DMD: variants seen among roughly 807,000 people sequenced by gnomAD.
The protein encoded by DMD is mutant dystrophin.
DMD carries 63 observed loss-of-function variants against 330.1 expected under a neutral mutation model. The ratio of observed to expected loss-of-function variants is 0.19; its 90% CI spans 0.16 to 0.24. DMD has a LOEUF of 0.24. Among genes scored for constraint, DMD ranks in the 10% least tolerant of loss-of-function variants. The probability of loss-of-function intolerance (pLI) is 1.00; values close to 1 mark genes in which losing one functional copy is unlikely to be tolerated. For missense variants in DMD, 3,344 were observed against 2,684.1 expected, an observed-to-expected ratio of 1.25 and a Z score of -5.43; for synonymous variants, 1,223 against 959.8, an observed-to-expected ratio of 1.27 and a Z score of -5.07.
intron 51 of DMD, among the ~76,000 whole-genome samples, chrX:31,745,098 G>A (rs1173543787): frequency 2.7e-5 from 3 of 111,755 alleles, no homozygotes; most frequent in African/African-American, 9.8e-5. Context: ...CCAGGTTCAG[G>A]GAAGGTGCCA....
At chrX:32,806,779 G>A (rs940571285) in intron 7 of DMD, among the ~76,000 whole-genome samples, 5 of 105,996 alleles carry the variant, frequency 4.7e-5, no homozygotes, top group African/African-American at 1.8e-4. Context: ...TAGAACTCAG[G>A]ATTAAGAAAC....
intron 44 of DMD, among the ~76,000 whole-genome samples, chrX:32,169,714 C>T (rs1336070643): frequency 8.9e-6 from 1 of 111,978 alleles, no homozygotes; most frequent in Non-Finnish European, 1.9e-5. Flanking sequence ...CCATCTACCC[C>T]TTCTCTAGAG....
intron 62 of DMD, among the ~76,000 whole-genome samples, chrX:31,284,575 C>CTTCTTCTTCTTCTTTTCTT (rs2052946401): frequency 1.1e-5 from 1 of 91,858 alleles, no homozygotes; most frequent in African/African-American, 4.3e-5. Flanking sequence ...TCTTCTTCTT[C>CTTCTTCTTCTTCTTTTCTT]TTCTTCTTCT....
intron 7 of DMD, among the ~76,000 whole-genome samples, chrX:32,742,071 G>T (rs918744222): frequency 6.3e-5 from 7 of 111,335 alleles, no homozygotes; most frequent in African/African-American, 3.3e-5. Context: ...GACCTGTTCA[G>T]TGCCCTTGAC....
In DMD at chrX:32,171,044, C is replaced by T. The variant is rs544626677; in HGVS notation, c.6438+45872G>A. ...TCATACTGTGGTGATATCTACATCT[C>T]TATAAAACTAGTAATATTGGTAAAC... is the stretch of plus-strand genomic sequence containing the variant. On this transcript the variant is annotated intron_variant, in intron 44 of 78. Transcript: ENST00000357033. Among the ~76,000 whole-genome samples, 17 of 111,793 alleles carry T rather than the reference C, an allele frequency of 1.5e-4. No homozygotes were observed. The South Asian group carries it at 6.0e-3, about 39-fold the overall frequency.
At chrX:32,847,605 G>T (rs1351702079) in intron 3 of DMD, among the ~76,000 whole-genome samples, 1 of 111,974 alleles carries the variant, frequency 8.9e-6, no homozygotes, top group Non-Finnish European at 1.9e-5. Context: ...TTATGAGAAA[G>T]GCAAAATCCT....
chrX:32,478,037 G>A (rs2041420998), intron 21 of DMD, among the ~76,000 whole-genome samples: 1 of 111,687 alleles, frequency 9.0e-6, no homozygotes, highest in South Asian at 3.7e-4. Flanking sequence ...TGTTAATGTG[G>A]TTTCTAGAAC....
intron 1 of DMD, among the ~76,000 whole-genome samples, chrX:33,022,026 A>C (rs5972736): frequency 0.12 from 13,098 of 111,436 alleles, 1,039 homozygotes; most frequent in East Asian, 0.3. Context: ...CATAGACTTT[A>C]TGGAGGAAGA....
chrX:32,182,522 C>T lies in DMD; in HGVS notation c.6438+34394G>A, dbSNP rs866612419. On this transcript the variant is annotated intron_variant, in intron 44 of 78. Transcript: ENST00000357033. ...TGGTTCTGGTAAGACTCTACATCCC[C>T]CTCCCCCCAGGTCTGTGGAATAATG... Among the ~76,000 whole-genome samples, 33 of 111,130 alleles carry T rather than the reference C, an allele frequency of 3.0e-4. 1 individual carries two copies. Among genetic ancestry groups the T allele is most frequent in the African/African-American group, 1.1e-3 (33 of 30,695 alleles).
intron 1 of DMD, among the ~76,000 whole-genome samples, chrX:33,333,238 AACTTT>A (rs2054205026): frequency 1.8e-5 from 2 of 111,647 alleles, no homozygotes; most frequent in African/African-American, 6.5e-5. Flanking sequence ...CTTTCTGTAA[AACTTT>A]ACTTGTATGT....
At chrX:32,394,970 A>G (rs1261629538) in intron 30 of DMD, among the ~76,000 whole-genome samples, 2 of 105,248 alleles carry the variant, frequency 1.9e-5, no homozygotes, top group African/African-American at 3.4e-5. Flanking sequence ...ACCACCACAG[A>G]TATTTGTGGG....
chrX:31,482,231 GTGTGT>G (rs2068347781), intron 57 of DMD, among the ~76,000 whole-genome samples: 3 of 95,784 alleles, frequency 3.1e-5, no homozygotes, highest in African/African-American at 1.5e-4. Flanking sequence ...GTGTGTGTGT[GTGTGT>G]GGGGGGGGTG....
At chrX:32,489,705 T>C (rs549338461) in intron 20 of DMD, among the ~76,000 whole-genome samples, 2 of 111,636 alleles carry the variant, frequency 1.8e-5, no homozygotes, top group African/African-American at 6.6e-5. Context: ...AATGTATATA[T>C]TTTATGCATG....
At chrX:32,783,010 C>T (rs376466949) in intron 7 of DMD, among the ~76,000 whole-genome samples, 15 of 99,181 alleles carry the variant, frequency 1.5e-4, no homozygotes, top group South Asian at 4.3e-4. Context: ...TACACACACA[C>T]GTATATATAC....
At chrX:32,113,113 CTATT>C (rs1321400370) in intron 44 of DMD, among the ~76,000 whole-genome samples, 115 of 112,615 alleles carry the variant, frequency 1.0e-3, no homozygotes, top group African/African-American at 3.4e-3. Flanking sequence ...ATAAATGTAA[CTATT>C]TAATTAATTG....
At chrX:31,510,756 A>G (rs764193934) in intron 55 of DMD, among the ~76,000 whole-genome samples, 13 of 110,030 alleles carry the variant, frequency 1.2e-4, no homozygotes, top group East Asian at 5.8e-4. Flanking sequence ...TGATCCGCCC[A>G]CCTTGGCCTC....
At chrX:31,620,237 G>A (rs1419279270) in intron 55 of DMD, among the ~76,000 whole-genome samples, 4 of 110,573 alleles carry the variant, frequency 3.6e-5, no homozygotes, top group African/African-American at 1.3e-4. Context: ...ATCTATCGAG[G>A]GTAGAGACAG....
chrX:32,568,073 T>C (rs980922158), intron 15 of DMD, among the ~76,000 whole-genome samples: 1 of 112,134 alleles, frequency 8.9e-6, no homozygotes, highest in Non-Finnish European at 1.9e-5. Flanking sequence ...AGTGTGAGAA[T>C]TATGTTTAAA....
chrX:32,385,630 A>T (rs2097952811), intron 33 of DMD, among the ~76,000 whole-genome samples: 1 of 24,263 alleles, frequency 4.1e-5, no homozygotes, highest in Non-Finnish European at 6.8e-5. Flanking sequence ...TAATCTATAC[A>T]GAATATTTGA....
Sources: gnomAD v4.1 joint callset for allele counts (sites outside exome capture counted in the v4.1 genomes callset) on GRCh38, gnomAD v4.1.1 for gene constraint, MANE v1.5 for transcripts, NCBI Gene and HGNC (gene_info 2026-07-23, HGNC 2026-07-21) for gene names.